MARVELD3: variants seen among roughly 807,000 people sequenced by gnomAD.
MARVELD3 encodes MARVEL domain-containing protein 3.
MARVELD3 carries 28 observed loss-of-function variants against 33.5 expected under a neutral mutation model. The observed-to-expected ratio is 0.84, with a 90% confidence interval of 0.62 to 1.15. MARVELD3 has a LOEUF of 1.15. Among genes scored for constraint, MARVELD3 ranks in the 50% most tolerant of loss-of-function variants. The probability of loss-of-function intolerance (pLI) is 0.00; values close to 1 mark genes in which losing one functional copy is unlikely to be tolerated. For missense variants in MARVELD3, 582 were observed against 547.6 expected (o/e 1.06, Z -0.63); for synonymous variants, 241 against 230.4 (o/e 1.05, Z -0.42).
At position 71,634,855 on chromosome 16, in the gene MARVELD3, G is replaced by A. The variant is rs747666841; in HGVS notation, c.*52G>A. 2 of 1,524,092 alleles carry A rather than the reference G, an allele frequency of 1.3e-6. No homozygotes were observed. Among genetic ancestry groups the A allele is most frequent in the South Asian group, 1.3e-5 (1 of 75,034 alleles). The allele number at this position is 1,524,092 out of a possible 1,614,324, so 94.4% of individuals were successfully genotyped here. ...CAAGTGGTGGTGGAAGGTAGTCTGA[G>A]CCACTGCCTTTCCCAAGAATCCCTT... On this transcript the variant is annotated 3_prime_UTR_variant, in exon 3 of 3. Transcript: ENST00000268485.
downstream of MARVELD3, among the ~76,000 whole-genome samples, chr16:71,636,632 C>G (rs1356007666): frequency 1.3e-5 from 2 of 152,004 alleles, no homozygotes; most frequent in African/African-American, 4.8e-5. Context: ...GCTCTGTCAC[C>G]CAGGCTGGAG....
intron 2 of MARVELD3, among the ~76,000 whole-genome samples, chr16:71,633,836 C>G (rs983215033): frequency 2.0e-5 from 3 of 152,078 alleles, no homozygotes; most frequent in African/African-American, 7.2e-5. Context: ...CTCGCCCGGC[C>G]TTGTTTCATC....
chr16:71,630,740 CACAG>C (rs1162478998), intron 2 of MARVELD3, among the ~76,000 whole-genome samples: 2 of 152,004 alleles, frequency 1.3e-5, no homozygotes, highest in East Asian at 3.8e-4. Flanking sequence ...TTCACACACA[CACAG>C]AAACAAAAAT....
chr16:71,626,906 A>C lies in MARVELD3; in HGVS notation c.467+210A>C. On this transcript the variant is annotated intron_variant, in intron 1 of 2. Transcript: ENST00000268485. This position sits in a 1 kb window ranked among gnomAD's most constrained non-coding sequence, Gnocchi z 5.3. ...CTCGTGGCCTGAACCCAACTAACAA[A>C]GCAAAAACCACCCCTGTGAGCAGTG... 4.3e-6 allele frequency: 2 copies of C among 465,912 alleles called. No individual in the cohort carries two copies. 28.9% of individuals were successfully genotyped at this position (465,912 alleles called of 1,614,324 possible).
In MARVELD3 at chr16:71,629,379, G is replaced by T. The variant is rs149016402; in HGVS notation, c.480G>T (p.Ser160=). ...TTTTTGGTTATAGTGAACCCCCTTCGGAGAGATATCTGCCCTCGACCCCCA... is the reference window on the plus strand; with the variant it reads ...TTTTTGGTTATAGTGAACCCCCTTCTGAGAGATATCTGCCCTCGACCCCCA... ...GRRRPESEPP[S]ERYLPSTPRP... The change falls in exon 2 of 3, where the codon TCG becomes TCT. Residue 160 remains serine, a synonymous_variant. Coordinates refer to ENST00000268485, the MANE Select transcript of MARVELD3 (RefSeq NM_052858.6). The T allele has an allele frequency of 4.5e-6, 7 of 1,559,826 alleles. No individual in the cohort carries two copies. In the African/African-American group the frequency reaches 8.4e-5, roughly 19 times the overall value.
rs770100125 is a variant in MARVELD3, at chr16:71,626,505, C to T, written c.276C>T (p.Asp92=). 2.6e-6 allele frequency: 4 copies of T among 1,549,702 alleles called. No individual in the cohort carries two copies. The highest frequency in any genetic ancestry group is 2.4e-5 in the South Asian group (2 of 84,052). Residue 92 remains aspartate, a synonymous_variant, in exon 1 of 3, where the codon GAC becomes GAT. Coordinates refer to ENST00000268485, the MANE Select transcript of MARVELD3 (RefSeq NM_052858.6). This position sits in a 1 kb window ranked among gnomAD's most constrained non-coding sequence, Gnocchi z 5.3. ...ERDPDRGPRR[D]THRDAGPRAG... ...ACCCGGACCGAGGCCCCCGCCGGGA[C>T]ACACACAGGGACGCGGGCCCTCGCG...
chr16:71,634,513 G>A lies in MARVELD3; in HGVS notation c.916G>A (p.Glu306Lys), dbSNP rs2044564144. 2 of 1,614,100 alleles carry A rather than the reference G, an allele frequency of 1.2e-6. No individual in the cohort carries two copies. Among genetic ancestry groups the A allele is most frequent in the East Asian group, 2.2e-5 (1 of 44,900 alleles). Reference protein sequence around the residue: ...PWHCPLLLVTEGLLDMLIAGG... With the variant: ...PWHCPLLLVTKGLLDMLIAGG... ...GCATTGTCCACTGTTGCTGGTGACC[G>A]AAGGCTTGTTGGACATGCTCATCGC... Residue 306 changes from glutamate (E) to lysine (K), a missense_variant, in exon 3 of 3, where the codon GAA (glutamate) becomes AAA (lysine). Transcript: ENST00000268485.
chr16:71,634,403 T>G lies in MARVELD3; in HGVS notation c.806T>G (p.Met269Arg), dbSNP rs1344097099. 3 of 1,614,210 alleles carry G rather than the reference T, an allele frequency of 1.9e-6. No individual in the cohort carries two copies. Among genetic ancestry groups the G allele is most frequent in the Non-Finnish European group, 2.5e-6 (3 of 1,180,038 alleles). The part of the protein sequence containing the change: ...DVQFYQLKLP[M>R]VTVAMACSGA... ...CAGTTCTACCAGCTAAAGCTGCCCA[T>G]GGTCACTGTGGCAATGGCCTGTAGT... Residue 269 changes from methionine to arginine, a missense_variant, in exon 3 of 3, where the codon ATG (methionine) becomes AGG (arginine). Met to Arg is a moderately conservative substitution (Grantham distance 91). Coordinates refer to ENST00000268485, the MANE Select transcript of MARVELD3 (RefSeq NM_052858.6).
At chr16:71,639,420 T>G (rs917165809), downstream of MARVELD3, 2 of 149,948 alleles carry the variant, frequency 1.3e-5, no homozygotes, top group African/African-American at 4.9e-5. Flanking sequence ...TTCATTCAAG[T>G]CATTGCATGT....
rs1385155295 is a variant in MARVELD3, at chr16:71,626,257, C to T, written c.28C>T (p.Pro10Ser). The change falls in exon 1 of 3, where the codon CCC becomes TCC. Residue 10 changes from proline (P) to serine (S), a missense_variant. Pro to Ser is a moderately conservative substitution (Grantham distance 74). Coordinates refer to ENST00000268485, the MANE Select transcript of MARVELD3 (RefSeq NM_052858.6). The surrounding 1 kb of genome is among the most constrained non-coding windows in gnomAD (Gnocchi z 5.3). The stretch of plus-strand genomic sequence containing the variant: ...GGAAGATCCGTCGGGGGCTCGCGAG[C>T]CCCGGGCCCGGCCGAGAGAGCGGGA... Reference protein sequence around the residue: MEDPSGAREPRARPRERDPG... With the variant: MEDPSGARESRARPRERDPG... The T allele has an allele frequency of 1.3e-6, 2 of 1,523,404 alleles. No homozygotes were observed. Among genetic ancestry groups the T allele is most frequent in the African/African-American group, 1.4e-5 (1 of 71,990 alleles). 94.4% of individuals were successfully genotyped at this position (1,523,404 alleles called of 1,614,324 possible). A position where few individuals can be genotyped will look rare whatever the true frequency, so the allele number is the denominator to read the frequency against.
At chr16:71,628,008 G>C (rs549005818) in intron 1 of MARVELD3, among the ~76,000 whole-genome samples, 42 of 152,300 alleles carry the variant, frequency 2.8e-4, no homozygotes, top group African/African-American at 8.4e-4. Flanking sequence ...CCTCTCCCAG[G>C]GACTTGGAGG....
intron 2 of MARVELD3, among the ~76,000 whole-genome samples, chr16:71,630,731 T>TCA (rs1414882092): frequency 1.3e-5 from 2 of 151,836 alleles, no homozygotes; most frequent in Non-Finnish European, 2.9e-5. Flanking sequence ...AAGACCGAGT[T>TCA]CACACACACA....
In MARVELD3 at chr16:71,635,643, A is replaced by AC. The variant is rs1271727748; in HGVS notation, c.*841dup. On this transcript the variant is annotated 3_prime_UTR_variant, in exon 3 of 3. Transcript: ENST00000268485. ...AAAAAAAAAAAGTTCATGGAGAGCC[A>AC]CATAGACATGAGACCACACTTCAGC... The AC allele has an allele frequency of 5.1e-6, 5 of 985,150 alleles. No individual in the cohort carries two copies. The African/African-American group carries it at 7.0e-5, about 14-fold the overall frequency. 61.0% of individuals were successfully genotyped at this position (985,150 alleles called of 1,614,324 possible).
downstream of MARVELD3, among the ~76,000 whole-genome samples, chr16:71,639,593 C>A (rs1041164188): frequency 6.6e-6 from 1 of 151,688 alleles, no homozygotes; most frequent in Non-Finnish European, 1.5e-5. Flanking sequence ...ACTACAGGCA[C>A]GTGCTGCCAC....
In MARVELD3 at chr16:71,635,556, A is replaced by G. The variant is rs1037665521; in HGVS notation, c.*753A>G. On this transcript the variant is annotated 3_prime_UTR_variant, in exon 3 of 3. Coordinates refer to ENST00000268485, the MANE Select transcript of MARVELD3 (RefSeq NM_052858.6). ...CAGGAGTTCAAGTTTGCAGTGCGCT[A>G]TGATTGTCCCACTACACTCTAGCCT... 4 of 982,116 alleles carry G rather than the reference A, an allele frequency of 4.1e-6. No individual in the cohort carries two copies. The highest frequency in any genetic ancestry group is 1.2e-4 in the Admixed American group (2 of 16,198). 60.8% of individuals were successfully genotyped at this position (982,116 alleles called of 1,614,324 possible).
At chr16:71,637,047 A>T (rs937213412), downstream of MARVELD3, among the ~76,000 whole-genome samples, 1 of 151,894 alleles carries the variant, frequency 6.6e-6, no homozygotes, top group Non-Finnish European at 1.5e-5. Context: ...CCCCTGCCCC[A>T]TGTGTCTTTC....
At position 71,634,955 on chromosome 16, in the gene MARVELD3, A is replaced by G. The variant is rs2044569661; in HGVS notation, c.*152A>G. 1 of 1,428,766 alleles carries G rather than the reference A, an allele frequency of 7.0e-7. No homozygotes were observed. Among genetic ancestry groups the G allele is most frequent in the Non-Finnish European group, 9.1e-7 (1 of 1,093,826 alleles). The allele number at this position is 1,428,766 out of a possible 1,614,324, so 88.5% of individuals were successfully genotyped here. A position where few individuals can be genotyped will look rare whatever the true frequency, so the allele number is the denominator to read the frequency against. ...GTGGGCGGAGCTCCCAGTCGCATGGAGCGGTGTTCATGGATGCAACAGACC... is the reference window on the plus strand; with the variant it reads ...GTGGGCGGAGCTCCCAGTCGCATGGGGCGGTGTTCATGGATGCAACAGACC... On this transcript the variant is annotated 3_prime_UTR_variant, in exon 3 of 3. Transcript: ENST00000268485.
rs2044477400 is a variant in MARVELD3 at position 71,626,747 on chromosome 16, C to T, written c.467+51C>T. 2 of 1,366,350 alleles carry T rather than the reference C, an allele frequency of 1.5e-6. No individual in the cohort carries two copies. The highest frequency in any genetic ancestry group is 1.5e-5 in the African/African-American group (1 of 64,904). 84.6% of individuals were successfully genotyped at this position (1,366,350 alleles called of 1,614,324 possible). A position where few individuals can be genotyped will look rare whatever the true frequency, so the allele number is the denominator to read the frequency against. Reference sequence around the variant, plus strand: ...CTCCGCGCCGGGGACACCTGTGGCCCAGGCCGGCCCGCGAGGCCCTGGCGT... The same window carrying T: ...CTCCGCGCCGGGGACACCTGTGGCCTAGGCCGGCCCGCGAGGCCCTGGCGT... On this transcript the variant is annotated intron_variant, in intron 1 of 2. Coordinates refer to ENST00000268485, the MANE Select transcript of MARVELD3 (RefSeq NM_052858.6). The surrounding 1 kb of genome is among the most constrained non-coding windows in gnomAD (Gnocchi z 5.3).
downstream of MARVELD3, chr16:71,640,262 C>T (rs1384823368): frequency 1.0e-6 from 1 of 988,462 alleles, no homozygotes; most frequent in Non-Finnish European, 1.5e-6. Context: ...GTGACACCGT[C>T]TCAAAAAAAA....
Sources: gnomAD v4.1 joint callset for allele counts (sites outside exome capture counted in the v4.1 genomes callset) on GRCh38, gnomAD v4.1.1 for gene constraint, Gnocchi (gnomAD v3.1) non-coding constraint, MANE v1.5 for transcripts, NCBI Gene and HGNC (gene_info 2026-07-23, HGNC 2026-07-21) for gene names.